KCNQ1: variants seen among roughly 807,000 people sequenced by gnomAD.
The protein encoded by KCNQ1 is potassium voltage-gated channel subfamily Q member 1.
Under a neutral mutation model 72.4 loss-of-function variants are expected in KCNQ1, and 49 were observed. That is an observed-to-expected ratio of 0.68 (90% CI 0.54 to 0.86). KCNQ1 has a LOEUF of 0.86. Among genes scored for constraint, KCNQ1 ranks in the 40% least tolerant of loss-of-function variants. The pLI is 0.00. For missense variants in KCNQ1, 790 were observed against 945.1 expected (o/e 0.84, Z 2.15); for synonymous variants, 450 against 412.6 (o/e 1.09, Z -1.10).
At position 2,445,497 on chromosome 11, in the gene KCNQ1, ACCGG is replaced by A; in HGVS notation, c.386+15_386+18del. The A allele has an allele frequency of 6.3e-7, 1 of 1,590,458 alleles. No individual in the cohort carries two copies. The highest frequency in any genetic ancestry group is 8.5e-7 in the Non-Finnish European group (1 of 1,176,648). On this transcript the variant is annotated intron_variant, in intron 1 of 15. Transcript: ENST00000155840. Reference sequence around the variant, plus strand: ...ACCACTTCGCCGTGTGAGTATCGCCACCGGCGACGGCCGGCACGAAGGTGCTTCC... The same window carrying A: ...ACCACTTCGCCGTGTGAGTATCGCCACGACGGCCGGCACGAAGGTGCTTCC...
rs145851155 is a variant in KCNQ1 at position 2,831,079 on chromosome 11, C to T, written c.1795-16688C>T. ...GCCCATGCTCTCTGCGCCCCATTTT[C>T]TGGCCTCTGGCATGCAGAGGGCAGC... On this transcript the variant is annotated intron_variant, in intron 15 of 15. Coordinates refer to ENST00000155840, the MANE Select transcript of KCNQ1 (RefSeq NM_000218.3). 7.0e-3 allele frequency among the ~76,000 whole-genome samples: 1,069 copies of T among 152,360 alleles called. 10 individuals are homozygous for T. Among genetic ancestry groups the T allele is most frequent in the African/African-American group, 0.024 (988 of 41,584 alleles).
At chr11:2,780,533 C>T (rs545472364) in intron 15 of KCNQ1, among the ~76,000 whole-genome samples, 239 of 152,342 alleles carry the variant, frequency 1.6e-3, no homozygotes, top group African/African-American at 5.5e-3. Flanking sequence ...GTCTGGCTGC[C>T]TGCCGGAAGG....
Position 2,543,211 on chromosome 11 carries a change from C to T in KCNQ1, c.477+15193C>T. The stretch of plus-strand genomic sequence containing the variant: ...AAAAGTTCTTTGTATATTCTGGTTA[C>T]ATAGATATTTGTTTTACACATGTAT... On this transcript the variant is annotated intron_variant, in intron 2 of 15. Coordinates refer to ENST00000155840, the MANE Select transcript of KCNQ1 (RefSeq NM_000218.3). The surrounding 1 kb of genome is among the most constrained non-coding windows in gnomAD (Gnocchi z 5.6). 6.6e-6 allele frequency among the ~76,000 whole-genome samples: 1 copy of T among 152,276 alleles called. No homozygotes were observed. Among genetic ancestry groups the T allele is most frequent in the East Asian group, 1.9e-4 (1 of 5,190 alleles).
chr11:2,532,994 T>G (rs945735058), intron 2 of KCNQ1, among the ~76,000 whole-genome samples: 2 of 152,098 alleles, frequency 1.3e-5, no homozygotes, highest in Admixed American at 6.5e-5. Context: ...CAGGAGCTGC[T>G]GGCACCCGCC....
rs1848837544 is a variant in KCNQ1 at position 2,603,608 on chromosome 11, T to C, written c.1393+14754T>C. ...GGGTTTGCCTATTCTGGACATTTTA[T>C]ATAAGTGGAATCATACAATGTATGG... On this transcript the variant is annotated intron_variant, in intron 10 of 15. Transcript: ENST00000155840. The surrounding 1 kb of genome is among the most constrained non-coding windows in gnomAD (Gnocchi z 4.1). Among the ~76,000 whole-genome samples, 1 of 152,182 alleles carries C rather than the reference T, an allele frequency of 6.6e-6. No individual in the cohort carries two copies. Among genetic ancestry groups the C allele is most frequent in the African/African-American group, 2.4e-5 (1 of 41,462 alleles).
rs1847533612 is a variant in KCNQ1 at position 2,813,406 on chromosome 11, C to G, written c.1795-34361C>G. On this transcript the variant is annotated intron_variant, in intron 15 of 15. Coordinates refer to ENST00000155840, the MANE Select transcript of KCNQ1 (RefSeq NM_000218.3). The surrounding 1 kb of genome is among the most constrained non-coding windows in gnomAD (Gnocchi z 4.4). ...GAGACCTGCACCTCTTTTTCACCCCCAAACCCGCCTGCCCGTCAGTGCTTA... is the reference window on the plus strand; with the variant it reads ...GAGACCTGCACCTCTTTTTCACCCCGAAACCCGCCTGCCCGTCAGTGCTTA... Among the ~76,000 whole-genome samples, 1 of 49,810 alleles carries G rather than the reference C, an allele frequency of 2.0e-5. No homozygotes were observed. The highest frequency in any genetic ancestry group is 9.6e-5 in the African/African-American group (1 of 10,412). The allele number at this position is 49,810 out of a possible 152,430, so 32.7% of individuals were successfully genotyped here.
chr11:2,821,476 G>C (rs1170353506), intron 15 of KCNQ1, among the ~76,000 whole-genome samples: 1 of 152,232 alleles, frequency 6.6e-6, no homozygotes, highest in Non-Finnish European at 1.5e-5. Flanking sequence ...ATGAGGGCCA[G>C]ATGGATGGGC....
intron 10 of KCNQ1, chr11:2,625,783 A>T (rs1589989098): frequency 5.0e-6 from 2 of 397,834 alleles, no homozygotes; most frequent in African/African-American, 4.1e-5. Flanking sequence ...GTTAGCCAGG[A>T]TGGTCTCAAT....
In KCNQ1 at chr11:2,628,147, T is replaced by C. The variant is rs527396032; in HGVS notation, c.1394-33814T>C. The C allele has an allele frequency of 7.5e-5, 30 of 398,622 alleles. No homozygotes were observed. The East Asian group carries it at 1.1e-3, about 14-fold the overall frequency. 24.7% of individuals were successfully genotyped at this position (398,622 alleles called of 1,614,324 possible). The stretch of plus-strand genomic sequence containing the variant: ...ATACTGACTTTGTTTTCCTTAGATA[T>C]ACCCGGAACTGAGACTGCTGGATCA... On this transcript the variant is annotated intron_variant, in intron 10 of 15. Transcript: ENST00000155840.
At chr11:2,554,389 G>A (rs1418840047) in intron 2 of KCNQ1, among the ~76,000 whole-genome samples, 2 of 152,168 alleles carry the variant, frequency 1.3e-5, no homozygotes, top group Non-Finnish European at 2.9e-5. Flanking sequence ...GAAAGTATTT[G>A]TCCCCAAGGA....
chr11:2,588,965 G>A lies in KCNQ1; in HGVS notation c.1393+111G>A, dbSNP rs41282910. 991 of 1,305,004 alleles carry A rather than the reference G, an allele frequency of 7.6e-4. 2 individuals carry two copies. The highest frequency in any genetic ancestry group is 1.2e-3 in the South Asian group (93 of 80,282). The allele number at this position is 1,305,004 out of a possible 1,614,324, so 80.8% of individuals were successfully genotyped here. A position where few individuals can be genotyped will look rare whatever the true frequency, so the allele number is the denominator to read the frequency against. ...CCCTTGGGCTGTGGTCTCTGACAAC[G>A]AGGTATGAACAGACAGAGGGTGGAG... On this transcript the variant is annotated intron_variant, in intron 10 of 15. Transcript: ENST00000155840. The surrounding 1 kb of genome is among the most constrained non-coding windows in gnomAD (Gnocchi z 5.6).
At position 2,508,132 on chromosome 11, in the gene KCNQ1, C is replaced by A. The variant is rs1007655434; in HGVS notation, c.387-19796C>A. Among the ~76,000 whole-genome samples, 5 of 152,118 alleles carry A rather than the reference C, an allele frequency of 3.3e-5. 1 individual carries two copies. Among genetic ancestry groups the A allele is most frequent in the Admixed American group, 6.5e-5 (1 of 15,288 alleles). ...AGGGGTCTGTGTTGCCTTGGCCCCACGGCAGTGGAGCTGGGGTTTCCCAGG... is the reference window on the plus strand; with the variant it reads ...AGGGGTCTGTGTTGCCTTGGCCCCAAGGCAGTGGAGCTGGGGTTTCCCAGG... On this transcript the variant is annotated intron_variant, in intron 1 of 15. Transcript: ENST00000155840. The surrounding 1 kb of genome is among the most constrained non-coding windows in gnomAD (Gnocchi z 6.2).
In KCNQ1 at chr11:2,464,186, G is replaced by A. The variant is rs998529146; in HGVS notation, c.386+18702G>A. 1.3e-5 allele frequency among the ~76,000 whole-genome samples: 2 copies of A among 152,140 alleles called. No homozygotes were observed. The highest frequency in any genetic ancestry group is 6.5e-5 in the Admixed American group (1 of 15,276). On this transcript the variant is annotated intron_variant, in intron 1 of 15. Transcript: ENST00000155840. This position sits in a 1 kb window ranked among gnomAD's most constrained non-coding sequence, Gnocchi z 5.0. ...AAGCTGTACGCAGTGGGCCGCAGGC[G>A]CTCCCTGGGCCGGAACACATGGACG...
intron 15 of KCNQ1, among the ~76,000 whole-genome samples, chr11:2,797,460 G>C (rs1847160756): frequency 6.6e-6 from 1 of 152,188 alleles, no homozygotes; most frequent in African/African-American, 2.4e-5. Flanking sequence ...GGTCGGGCTG[G>C]GCTGGCCTCT....
intron 10 of KCNQ1, chr11:2,631,043 T>C (rs1032950723): frequency 1.8e-5 from 7 of 398,442 alleles, no homozygotes; most frequent in Non-Finnish European, 3.1e-5. Flanking sequence ...TTGATGGCAA[T>C]ATATCTAGGT....
chr11:2,539,634 C>T (rs1289495443), intron 2 of KCNQ1, among the ~76,000 whole-genome samples: 6 of 152,218 alleles, frequency 3.9e-5, no homozygotes, highest in Non-Finnish European at 8.8e-5. Flanking sequence ...AGGGCGGCCG[C>T]GGCTTTCCAG....
rs1850355166 is a variant in KCNQ1, at chr11:2,679,687, G to T, written c.1514+17606G>T. On this transcript the variant is annotated intron_variant, in intron 11 of 15. Coordinates refer to ENST00000155840, the MANE Select transcript of KCNQ1 (RefSeq NM_000218.3). The surrounding 1 kb of genome is among the most constrained non-coding windows in gnomAD (Gnocchi z 4.8). ...TTAGGATGCATAGGATCCCAGATTAGATTTTTTTTAAATCAGCCGTTCTCT... is the reference window on the plus strand; with the variant it reads ...TTAGGATGCATAGGATCCCAGATTATATTTTTTTTAAATCAGCCGTTCTCT... 1 of 398,400 alleles carries T rather than the reference G, an allele frequency of 2.5e-6. No homozygotes were observed. The highest frequency in any genetic ancestry group is 4.4e-5 in the Admixed American group (1 of 22,710). 24.7% of individuals were successfully genotyped at this position (398,400 alleles called of 1,614,324 possible). A position where few individuals can be genotyped will look rare whatever the true frequency, so the allele number is the denominator to read the frequency against.
rs1379273370 is a variant in KCNQ1 at position 2,526,818 on chromosome 11, G to T, written c.387-1110G>T. ...GGTTAGAAGCCACTCAGGATGGCAG[G>T]ATCTCAGGGAGCGGAGGGAGCCTGG... On this transcript the variant is annotated intron_variant, in intron 1 of 15. Transcript: ENST00000155840. The surrounding 1 kb of genome is among the most constrained non-coding windows in gnomAD (Gnocchi z 6.1). 6.6e-6 allele frequency among the ~76,000 whole-genome samples: 1 copy of T among 152,092 alleles called. No homozygotes were observed. Among genetic ancestry groups the T allele is most frequent in the East Asian group, 1.9e-4 (1 of 5,180 alleles).
chr11:2,571,140 G>A (rs926025883), intron 3 of KCNQ1, among the ~76,000 whole-genome samples, 185 bp from the exon 4 acceptor site: 1 of 152,176 alleles, frequency 6.6e-6, no homozygotes, highest in Non-Finnish European at 1.5e-5. Context: ...CCAGGACAGA[G>A]GTTGGGTCTC....
Sources: gnomAD v4.1 joint callset for allele counts (sites outside exome capture counted in the v4.1 genomes callset) on GRCh38, gnomAD v4.1.1 for gene constraint, Gnocchi (gnomAD v3.1) non-coding constraint, MANE v1.5 for transcripts, NCBI Gene and HGNC (gene_info 2026-07-23, HGNC 2026-07-21) for gene names.